Variants in MUSK observed in about 807,000 individuals in gnomAD.
The protein encoded by MUSK is muscle associated receptor tyrosine kinase.
A neutral mutation model predicts 88.7 loss-of-function variants in MUSK; 55 were observed. The observed-to-expected ratio is 0.62, with a 90% CI of 0.50 to 0.78. The LOEUF (loss-of-function observed/expected upper bound fraction) is 0.78, where lower values mean the gene tolerates loss of function less well. Ranked by LOEUF, MUSK falls within the 30% of genes least tolerant of loss-of-function variation. MUSK has a pLI of 0.00. For synonymous variants in MUSK, 387 were observed against 391.9 expected, an observed-to-expected ratio of 0.99 and a Z score of 0.15; for missense variants, 1,015 against 1,074.3, an observed-to-expected ratio of 0.94 and a Z score of 0.77.
At position 110,804,901 on chromosome 9, in the gene MUSK, A is replaced by G. The variant is rs932122974; in HGVS notation, c.*3913A>G. ...AGGTAAATAGATAGATAGATGATAC[A>G]TAGAGAGAGATAGATAGATAATTTA... On this transcript the variant is annotated 3_prime_UTR_variant, in exon 15 of 15. Coordinates refer to ENST00000374448, the MANE Select transcript of MUSK (RefSeq NM_005592.4). 2.0e-5 allele frequency among the ~76,000 whole-genome samples: 3 copies of G among 151,952 alleles called. No individual in the cohort carries two copies. The highest frequency in any genetic ancestry group is 2.1e-4 in the South Asian group (1 of 4,834).
intron 7 of MUSK, among the ~76,000 whole-genome samples, chr9:110,753,678 G>A (rs947586484): frequency 6.6e-6 from 1 of 151,780 alleles, no homozygotes. Context: ...TCTTTGAATC[G>A]ACCTCAGGGT....
In MUSK at chr9:110,701,690, C is replaced by G. The variant is rs11506887; in HGVS notation, c.628+4224C>G. On this transcript the variant is annotated intron_variant, in intron 5 of 14. Transcript: ENST00000374448. ...ATTTTATTTTATTTTTTTTACTTTA[C>G]TTTATTTTATTTTATTTTATTTTAT... Among the ~76,000 whole-genome samples the G allele has an allele frequency of 3.3e-4, 2 of 5,982 alleles. 1 individual carries two copies. The highest frequency in any genetic ancestry group is 1.7e-3 in the Admixed American group (2 of 1,170). The allele number at this position is 5,982 out of a possible 152,430, so 3.9% of individuals were successfully genotyped here.
At chr9:110,761,902 C>T (rs1406783276) in intron 7 of MUSK, 13 of 985,166 alleles carry the variant, frequency 1.3e-5, no homozygotes, top group Non-Finnish European at 1.6e-5. Context: ...TGTAAAGTCC[C>T]TGGGTAGCTA....
chr9:110,770,237 T>C (rs1290467818), intron 9 of MUSK, among the ~76,000 whole-genome samples: 1 of 148,974 alleles, frequency 6.7e-6, no homozygotes, highest in Non-Finnish European at 1.5e-5. Context: ...CATGTTGACA[T>C]TGGCAAAATG....
At chr9:110,675,239 T>G (rs1422448962) in intron 1 of MUSK, among the ~76,000 whole-genome samples, 4 of 143,334 alleles carry the variant, frequency 2.8e-5, no homozygotes, top group African/African-American at 1.1e-4. Flanking sequence ...TTTTTTTTTT[T>G]GAGACAGAGT....
At chr9:110,669,954 A>G (rs1003069266) in intron 1 of MUSK, among the ~76,000 whole-genome samples, 5 of 152,148 alleles carry the variant, frequency 3.3e-5, no homozygotes, top group African/African-American at 4.8e-5. Context: ...AACAGTTTGT[A>G]TTGTGTAGAT....
intron 6 of MUSK, among the ~76,000 whole-genome samples, chr9:110,740,724 T>TTGTA (rs2077086535): frequency 6.6e-6 from 1 of 152,106 alleles, no homozygotes. Context: ...ATAAGTTAAT[T>TTGTA]TGTATACTGC....
intron 3 of MUSK, among the ~76,000 whole-genome samples, chr9:110,689,361 T>C (rs1252407066): frequency 1.7e-5 from 2 of 117,604 alleles, no homozygotes; most frequent in Non-Finnish European, 3.2e-5. Context: ...TATATATAAA[T>C]ACATATTTAT....
At chr9:110,703,905 T>C (rs1263865695) in intron 5 of MUSK, among the ~76,000 whole-genome samples, 1 of 152,050 alleles carries the variant, frequency 6.6e-6, no homozygotes, top group Non-Finnish European at 1.5e-5. Flanking sequence ...TCGGTAAAAA[T>C]GAAGAGCAGA....
chr9:110,706,002 C>A (rs2076593727), intron 5 of MUSK: 1 of 446,188 alleles, frequency 2.2e-6, no homozygotes, highest in African/African-American at 2.0e-5. Context: ...TAATCCCTTA[C>A]AATCACAATT....
chr9:110,689,093 T>A (rs1303800727), intron 3 of MUSK, among the ~76,000 whole-genome samples: 2 of 133,272 alleles, frequency 1.5e-5, no homozygotes, highest in African/African-American at 2.7e-5. Context: ...TATATTTACA[T>A]TTAAATATAT....
chr9:110,752,085 C>T (rs2077255289), intron 7 of MUSK, among the ~76,000 whole-genome samples: 1 of 152,120 alleles, frequency 6.6e-6, no homozygotes, highest in African/African-American at 2.4e-5. Context: ...CTTGACACTC[C>T]TCGACTTTTC....
intron 3 of MUSK, among the ~76,000 whole-genome samples, chr9:110,688,346 A>T (rs2076224589): frequency 6.6e-6 from 1 of 152,002 alleles, no homozygotes; most frequent in South Asian, 2.1e-4. Flanking sequence ...AAATCCAGTG[A>T]TGTTTGTCTT....
chr9:110,767,968 A>G lies in MUSK; in HGVS notation c.1069A>G (p.Asn357Asp), dbSNP rs1199997870. ...AQELLVHTAWNELKVVSPVCR... is the reference protein window; with the variant it reads ...AQELLVHTAWDELKVVSPVCR... ...AGAGCTACTGGTCCACACGGCCTGG[A>G]ATGAACTGAAAGTAGTGAGCCCAGT... is the stretch of plus-strand genomic sequence containing the variant. Residue 357 changes from asparagine to aspartate, a missense_variant, in exon 9 of 15, where the codon AAT becomes GAT. By Grantham distance (23) the Asn-to-Asp change is conservative. Coordinates refer to ENST00000374448, the MANE Select transcript of MUSK (RefSeq NM_005592.4). 3.1e-6 allele frequency: 5 copies of G among 1,613,928 alleles called. No individual in the cohort carries two copies. The Middle Eastern group carries it at 4.9e-4, about 160-fold the overall frequency.
At chr9:110,737,082 C>T (rs1368205551) in intron 6 of MUSK, among the ~76,000 whole-genome samples, 1 of 152,026 alleles carries the variant, frequency 6.6e-6, no homozygotes, top group African/African-American at 2.4e-5. Context: ...GGAAAACTCT[C>T]TAAGGGTAAA....
Position 110,775,879 on chromosome 9 carries a change from A to T in MUSK, c.1276A>T (p.Met426Leu). The T allele has an allele frequency of 6.2e-7, 1 of 1,613,978 alleles. No individual in the cohort carries two copies. The highest frequency in any genetic ancestry group is 8.5e-7 in the Non-Finnish European group (1 of 1,179,856). ...CCACAGAGGACTCTACAGATCCGAG[A>T]TGCATTTGCTGTCCGTGCCAGAATG... ...KTHRGLYRSE[M>L]HLLSVPECSK... The change falls in exon 10 of 15, where the codon ATG (methionine) becomes TTG (leucine). Residue 426 changes from methionine (M) to leucine (L), a missense_variant. By Grantham distance (15) the Met-to-Leu change is conservative. Coordinates refer to ENST00000374448, the MANE Select transcript of MUSK (RefSeq NM_005592.4).
chr9:110,697,404 G>T lies in MUSK; in HGVS notation c.566G>T (p.Arg189Leu), dbSNP rs542900379. 1.9e-6 allele frequency: 3 copies of T among 1,612,560 alleles called. No individual in the cohort carries two copies. Among genetic ancestry groups the T allele is most frequent in the Non-Finnish European group, 2.5e-6 (3 of 1,179,136 alleles). The change falls in exon 5 of 15, where the codon CGA becomes CTA. Residue 189 changes from arginine to leucine, a missense_variant. By Grantham distance (102) the Arg-to-Leu change is moderately radical. Coordinates refer to ENST00000374448, the MANE Select transcript of MUSK (RefSeq NM_005592.4). ...CAAAAGGAAGATGCAGGACAGTATC[G>T]ATGTGTGGCAAAAAACAGCCTCGGG... ...NVQKEDAGQYRCVAKNSLGTA... is the reference protein window; with the variant it reads ...NVQKEDAGQYLCVAKNSLGTA...
intron 8 of MUSK, among the ~76,000 whole-genome samples, chr9:110,764,645 A>AGATAGATC (rs1395146613): frequency 1.6e-4 from 24 of 152,082 alleles, no homozygotes; most frequent in African/African-American, 5.3e-4. Context: ...ATAGGTAGGT[A>AGATAGATC]GATCATCGGT....
rs879844782 is a variant in MUSK, at chr9:110,803,621, C to A, written c.*2633C>A. Among the ~76,000 whole-genome samples, 15 of 152,124 alleles carry A rather than the reference C, an allele frequency of 9.9e-5. No homozygotes were observed. Among genetic ancestry groups the A allele is most frequent in the Non-Finnish European group, 1.9e-4 (13 of 68,014 alleles). On this transcript the variant is annotated 3_prime_UTR_variant, in exon 15 of 15. Transcript: ENST00000374448. ...ATTTTATTCTATTAACTTCCTAAGT[C>A]TTTTTAATGAATAGCAAAAAAAGTA...
Sources: gnomAD v4.1 joint callset for allele counts (sites outside exome capture counted in the v4.1 genomes callset) on GRCh38, gnomAD v4.1.1 for gene constraint, MANE v1.5 for transcripts, NCBI Gene and HGNC (gene_info 2026-07-23, HGNC 2026-07-21) for gene names.